Variants in SLC41A2 observed in about 807,000 individuals in gnomAD.
SLC41A2 encodes the protein SLC41A1-like 1.
In SLC41A2, 32 loss-of-function variants were observed where a neutral mutation model predicts 58.3. The observed-to-expected ratio is 0.55, with a 90% CI of 0.41 to 0.74. The LOEUF (loss-of-function observed/expected upper bound fraction) is 0.74, where lower values mean the gene tolerates loss of function less well. Ranked by LOEUF, SLC41A2 falls within the 30% of genes least tolerant of loss-of-function variation. The pLI, the probability that SLC41A2 is intolerant of heterozygous loss-of-function variation, is 0.00. For missense variants in SLC41A2, 514 were observed against 680.6 expected, an observed-to-expected ratio of 0.76 and a Z score of 2.72; for synonymous variants, 190 against 235.0, an observed-to-expected ratio of 0.81 and a Z score of 1.75.
chr12:104,941,228 C>T (rs1400218780), intron 1 of SLC41A2, among the ~76,000 whole-genome samples: 1 of 152,144 alleles, frequency 6.6e-6, no homozygotes, highest in Non-Finnish European at 1.5e-5. Flanking sequence ...GCTACTGATA[C>T]CCCAGAGCTA....
intron 7 of SLC41A2, among the ~76,000 whole-genome samples, chr12:104,866,122 CAA>C (rs1239496677): frequency 2.0e-5 from 3 of 152,056 alleles, no homozygotes; most frequent in Non-Finnish European, 4.4e-5. Context: ...CATACACACA[CAA>C]AGACAAACAC....
intron 10 of SLC41A2, among the ~76,000 whole-genome samples, chr12:104,838,301 T>A (rs886462180): frequency 4.6e-5 from 7 of 152,188 alleles, no homozygotes; most frequent in Non-Finnish European, 7.3e-5. Context: ...AACCAGGAGC[T>A]CTGGTTATTT....
intron 10 of SLC41A2, among the ~76,000 whole-genome samples, chr12:104,829,022 G>A (rs1027621189): frequency 1.3e-5 from 2 of 152,194 alleles, no homozygotes; most frequent in African/African-American, 4.8e-5. Context: ...TAGCAAGGAT[G>A]TGGAGCAACT....
intron 3 of SLC41A2, among the ~76,000 whole-genome samples, chr12:104,909,314 G>T (rs535940963): frequency 1.3e-3 from 191 of 152,172 alleles, no homozygotes; most frequent in African/African-American, 4.6e-3. Flanking sequence ...TAATAAGAAT[G>T]TATTACTTCT....
chr12:104,874,515 T>G (rs2043954940), intron 6 of SLC41A2, among the ~76,000 whole-genome samples: 1 of 152,234 alleles, frequency 6.6e-6, no homozygotes, highest in Non-Finnish European at 1.5e-5. Context: ...TTTAGTTGTG[T>G]AAGATAACTA....
At chr12:104,882,099 T>G (rs1443680108) in intron 6 of SLC41A2, among the ~76,000 whole-genome samples, 4 of 152,222 alleles carry the variant, frequency 2.6e-5, no homozygotes. Flanking sequence ...TGATTTTTGT[T>G]GGTTTAAAGT....
intron 2 of SLC41A2, among the ~76,000 whole-genome samples, chr12:104,925,690 G>A (rs1307127330): frequency 2.0e-5 from 3 of 152,118 alleles, no homozygotes; most frequent in South Asian, 4.1e-4. Context: ...AATTATATGC[G>A]TGCTGTTCTC....
chr12:104,847,602 T>TC (rs1487053962), intron 8 of SLC41A2, among the ~76,000 whole-genome samples: 35 of 37,422 alleles, frequency 9.4e-4, no homozygotes, highest in African/African-American at 4.1e-3. Flanking sequence ...AGACTCTGTC[T>TC]CAAAAAAAAA....
At chr12:104,935,658 C>G (rs1053877429) in intron 1 of SLC41A2, among the ~76,000 whole-genome samples, 5 of 152,194 alleles carry the variant, frequency 3.3e-5, no homozygotes, top group Non-Finnish European at 7.3e-5. Context: ...GCCACTCTGA[C>G]TACAGTCACG....
At chr12:104,867,609 A>T (rs924570161) in intron 6 of SLC41A2, among the ~76,000 whole-genome samples, 4 of 151,616 alleles carry the variant, frequency 2.6e-5, no homozygotes, top group African/African-American at 9.7e-5. Context: ...ACTACATACA[A>T]ACCCAAAATT....
At chr12:104,817,346 T>C (rs1333921675) in intron 10 of SLC41A2, among the ~76,000 whole-genome samples, 1 of 152,216 alleles carries the variant, frequency 6.6e-6, no homozygotes, top group Admixed American at 6.5e-5. Context: ...GACATTACTA[T>C]ACACTAATGT....
At chr12:104,816,929 G>A (rs747430341) in intron 10 of SLC41A2, among the ~76,000 whole-genome samples, 48 of 152,236 alleles carry the variant, frequency 3.2e-4, no homozygotes, top group Middle Eastern at 3.4e-3. Flanking sequence ...TGTATATAAC[G>A]TATGCATATC....
intron 6 of SLC41A2, among the ~76,000 whole-genome samples, chr12:104,882,093 T>C (rs375085909): frequency 1.3e-5 from 2 of 152,148 alleles, no homozygotes; most frequent in Admixed American, 1.3e-4. Flanking sequence ...CTCTTTTGAT[T>C]TTTGTTGGTT....
chr12:104,852,879 T>C (rs1481465929), intron 8 of SLC41A2, among the ~76,000 whole-genome samples: 4 of 152,198 alleles, frequency 2.6e-5, no homozygotes, highest in African/African-American at 9.6e-5. Context: ...TGACATACAC[T>C]ATGTTTCTAC....
chr12:104,902,416 A>T (rs919885682), intron 3 of SLC41A2, among the ~76,000 whole-genome samples: 3 of 152,172 alleles, frequency 2.0e-5, no homozygotes, highest in African/African-American at 7.2e-5. Flanking sequence ...TAGGAAATAC[A>T]GAAAAAAGAG....
intron 3 of SLC41A2, among the ~76,000 whole-genome samples, chr12:104,905,019 T>C (rs1369505638): frequency 2.0e-5 from 3 of 152,098 alleles, no homozygotes; most frequent in South Asian, 2.1e-4. Context: ...TAGAGCCGAG[T>C]GGCCTGTTTT....
At chr12:104,817,566 C>T (rs2041462829) in intron 10 of SLC41A2, among the ~76,000 whole-genome samples, 2 of 151,380 alleles carry the variant, frequency 1.3e-5, no homozygotes, top group African/African-American at 4.8e-5. Flanking sequence ...TAGGCTTTTT[C>T]CTATTTTTAT....
At chr12:104,891,032 T>C (rs1312115880) in intron 4 of SLC41A2, among the ~76,000 whole-genome samples, 2 of 152,120 alleles carry the variant, frequency 1.3e-5, no homozygotes, top group East Asian at 1.9e-4. Flanking sequence ...CTTTCACAAG[T>C]GTTAGCAGAA....
chr12:104,809,429 A>G (rs2041074142), intron 10 of SLC41A2, among the ~76,000 whole-genome samples: 1 of 152,216 alleles, frequency 6.6e-6, no homozygotes, highest in Non-Finnish European at 1.5e-5. Flanking sequence ...ACATGTACCT[A>G]TTCCAAAGGC....
Sources: allele counts gnomAD v4.1 joint callset (sites outside exome capture counted in the v4.1 genomes callset), GRCh38; gene constraint gnomAD v4.1.1; transcripts MANE v1.5; gene names NCBI Gene and HGNC (gene_info 2026-07-23, HGNC 2026-07-21).